The following PRTG variants were observed in gnomAD, a reference collection of about 807,000 sequenced individuals.
PRTG encodes immunoglobulin superfamily, DCC subclass, member 5.
Under a neutral mutation model 122.5 loss-of-function variants are expected in PRTG, and 67 were observed. That is an observed-to-expected ratio of 0.55 (90% CI 0.45 to 0.67). The LOEUF (loss-of-function observed/expected upper bound fraction) is 0.67. Ranked by LOEUF, PRTG falls within the 30% of genes least tolerant of loss-of-function variation. The pLI is 0.00. For missense variants in PRTG, 1,435 were observed against 1,415.4 expected (o/e 1.01, Z -0.22); for synonymous variants, 554 against 501.1 (o/e 1.11, Z -1.41).
At chr15:55,659,266 A>C (rs565387488) in intron 11 of PRTG, among the ~76,000 whole-genome samples, 5 of 152,340 alleles carry the variant, frequency 3.3e-5, no homozygotes, top group Admixed American at 3.3e-4. Flanking sequence ...CCCTCGTGGG[A>C]TCACACTAGC....
At chr15:55,719,046 C>G (rs2030711919) in intron 2 of PRTG, among the ~76,000 whole-genome samples, 1 of 152,066 alleles carries the variant, frequency 6.6e-6, no homozygotes, top group African/African-American at 2.4e-5. Flanking sequence ...TGCCCAGCCT[C>G]AAATTACTTT....
intron 15 of PRTG, among the ~76,000 whole-genome samples, chr15:55,633,661 C>T (rs1410903778): frequency 6.6e-6 from 1 of 152,140 alleles, no homozygotes; most frequent in Non-Finnish European, 1.5e-5. Context: ...CATAATTATA[C>T]ATAAAAGACA....
intron 18 of PRTG, among the ~76,000 whole-genome samples, chr15:55,623,158 T>C (rs1324783991): frequency 6.6e-6 from 1 of 152,172 alleles, no homozygotes; most frequent in Non-Finnish European, 1.5e-5. Context: ...ATAACAGGGT[T>C]TGGCAAACTT....
chr15:55,724,075 G>A (rs1330325224), intron 2 of PRTG, among the ~76,000 whole-genome samples: 1 of 152,128 alleles, frequency 6.6e-6, no homozygotes. Context: ...AAAATGTACT[G>A]AGACTTGTTT....
chr15:55,740,784 C>T lies in PRTG; in HGVS notation c.95-100G>A, dbSNP rs182707354. The T allele has an allele frequency of 1.7e-5, 17 of 986,610 alleles. No homozygotes were observed. In the Admixed American group the frequency reaches 2.9e-4, roughly 17 times the overall value. 61.1% of individuals were successfully genotyped at this position (986,610 alleles called of 1,614,324 possible). A position where few individuals can be genotyped will look rare whatever the true frequency, so the allele number is the denominator to read the frequency against. ...AACACATATTCAGGGTATGAGATGA[C>T]GAAGTTTAATAAATTTTATTAGTTA... On this transcript the variant is annotated intron_variant, in intron 1 of 19. Transcript: ENST00000389286.
At chr15:55,625,903 G>A (rs746519450) in intron 17 of PRTG, among the ~76,000 whole-genome samples, 4 of 152,030 alleles carry the variant, frequency 2.6e-5, no homozygotes, top group Non-Finnish European at 4.4e-5. Flanking sequence ...GATTACAGGC[G>A]TGAACCATTG....
At chr15:55,681,799 A>C (rs2059539789) in intron 4 of PRTG, among the ~76,000 whole-genome samples, 2 of 152,338 alleles carry the variant, frequency 1.3e-5, no homozygotes, top group African/African-American at 4.8e-5. Flanking sequence ...GAAACGGATG[A>C]CTGTTATTCT....
intron 15 of PRTG, 127 bp from the exon 16 acceptor site, chr15:55,629,131 C>G: frequency 3.7e-6 from 2 of 541,456 alleles, no homozygotes; most frequent in South Asian, 8.8e-5. Flanking sequence ...TATTGTAGAA[C>G]ATTTAGAAAA....
chr15:55,655,469 T>C (rs1455807062), intron 11 of PRTG: 2 of 152,216 alleles, frequency 1.3e-5, no homozygotes, highest in East Asian at 3.8e-4. Context: ...AATATATTAT[T>C]ATAAATATCA....
intron 2 of PRTG, among the ~76,000 whole-genome samples, chr15:55,686,208 A>T (rs1279299020): frequency 1.3e-5 from 2 of 152,158 alleles, no homozygotes. Context: ...CATTTCCGTA[A>T]ATATAATGCT....
rs571059110 is a variant in PRTG at position 55,639,792 on chromosome 15, G to A, written c.2174C>T (p.Pro725Leu). The part of the protein sequence containing the change: ...RDRMVPPPPP[P>L]HHLYAKANTS... The stretch of plus-strand genomic sequence containing the variant: ...GTTAGCCTTCGCATAGAGATGGTGG[G>A]GTGGTGGTGGAGGAGGGACCATGCG... The change falls in exon 13 of 20, where the codon CCC (proline) becomes CTC (leucine). Residue 725 changes from proline to leucine, a missense_variant. Transcript: ENST00000389286. 6.2e-7 allele frequency: 1 copy of A among 1,614,100 alleles called. No homozygotes were observed. The highest frequency in any genetic ancestry group is 1.1e-5 in the South Asian group (1 of 91,074).
chr15:55,685,102 C>T (rs62043871), intron 2 of PRTG, among the ~76,000 whole-genome samples: 23,938 of 152,054 alleles, frequency 0.16, 2,809 homozygotes, highest in East Asian at 0.55. Context: ...CTCCCCTCCC[C>T]AGATTCCAGT....
intron 2 of PRTG, among the ~76,000 whole-genome samples, chr15:55,687,178 T>C (rs892827510): frequency 1.3e-5 from 2 of 152,240 alleles, no homozygotes; most frequent in African/African-American, 2.4e-5. Flanking sequence ...ATAACTAGAA[T>C]TGTAAGGAGT....
intron 11 of PRTG, among the ~76,000 whole-genome samples, chr15:55,668,254 C>T (rs1371404823): frequency 6.6e-6 from 1 of 152,136 alleles, no homozygotes; most frequent in Non-Finnish European, 1.5e-5. Flanking sequence ...ACATCAGTGT[C>T]CTAAATGTTA....
intron 15 of PRTG, among the ~76,000 whole-genome samples, chr15:55,633,775 T>C (rs1285998560): frequency 1.3e-5 from 2 of 152,244 alleles, no homozygotes; most frequent in African/African-American, 4.8e-5. Context: ...TGCTTTTTAC[T>C]GATTTATTTG....
intron 2 of PRTG, among the ~76,000 whole-genome samples, chr15:55,692,320 C>T (rs2059607962): frequency 6.6e-6 from 1 of 152,052 alleles, no homozygotes; most frequent in Non-Finnish European, 1.5e-5. Flanking sequence ...GAGAGATCTG[C>T]TATGGGTTTT....
rs969215499 is a variant in PRTG, at chr15:55,618,466, G to A, written c.*1546C>T. ...AGGATATGGGACCCCTTCTCTACAC[G>A]CGTTTAGTTCTTTATCCTCTCCCAC... On this transcript the variant is annotated 3_prime_UTR_variant, in exon 20 of 20. Transcript: ENST00000389286. 2.0e-5 allele frequency: 3 copies of A among 152,158 alleles called. No homozygotes were observed. Among genetic ancestry groups the A allele is most frequent in the East Asian group, 1.9e-4 (1 of 5,172 alleles). The allele number at this position is 152,158 out of a possible 1,614,324, so 9.4% of individuals were successfully genotyped here.
chr15:55,728,161 T>A (rs2031105484), intron 2 of PRTG, among the ~76,000 whole-genome samples: 1 of 152,138 alleles, frequency 6.6e-6, no homozygotes, highest in African/African-American at 2.4e-5. Context: ...CCACTGTGCC[T>A]GGCCTCCACA....
At chr15:55,673,185 C>G (rs961443095) in intron 10 of PRTG, among the ~76,000 whole-genome samples, 186 bp downstream of exon 10, 2 of 152,152 alleles carry the variant, frequency 1.3e-5, no homozygotes, top group Non-Finnish European at 2.9e-5. Flanking sequence ...AAAGTTTACA[C>G]ACAAATAAAC....
Sources: allele counts gnomAD v4.1 joint callset (sites outside exome capture counted in the v4.1 genomes callset), GRCh38; gene constraint gnomAD v4.1.1; transcripts MANE v1.5; gene names NCBI Gene and HGNC (gene_info 2026-07-23, HGNC 2026-07-21).